Variants in PM20D2 observed in about 807,000 individuals in gnomAD.
The protein encoded by PM20D2 is xaa-Arg dipeptidase.
Under a neutral mutation model 42.9 loss-of-function variants are expected in PM20D2, and 33 were observed. The ratio of observed to expected loss-of-function variants is 0.77; its 90% CI spans 0.58 to 1.03. The LOEUF (loss-of-function observed/expected upper bound fraction) is 1.03, where lower values mean the gene tolerates loss of function less well. Ranked by LOEUF, PM20D2 falls within the 50% of genes least tolerant of loss-of-function variation. The pLI is 0.00. For synonymous variants in PM20D2, 250 were observed against 228.2 expected, an observed-to-expected ratio of 1.10 and a Z score of -0.86; for missense variants, 548 against 557.0, an observed-to-expected ratio of 0.98 and a Z score of 0.16.
Position 89,146,433 on chromosome 6 carries a change from C to T in PM20D2, c.289C>T (p.Arg97Trp), listed in dbSNP as rs941975118. ...CGCCGAGTGGGAGCCGCCGGAGGCCCGGGCACCGAGCGCCACGCCACGCCC... is the reference window on the plus strand; with the variant it reads ...CGCCGAGTGGGAGCCGCCGGAGGCCTGGGCACCGAGCGCCACGCCACGCCC... ...FRAEWEPPEA[R>W]APSATPRPLH... The change falls in exon 1 of 7, where the codon CGG becomes TGG. Residue 97 changes from arginine to tryptophan, a missense_variant. Physicochemically the swap from Arg to Trp is moderately radical, Grantham distance 101. This residue lies in a region of PM20D2 where 470 missense variants were observed against 464.4 expected (regional missense o/e 1.01). Coordinates refer to ENST00000275072, the MANE Select transcript of PM20D2 (RefSeq NM_001010853.3). The T allele has an allele frequency of 9.2e-6, 14 of 1,523,914 alleles. No homozygotes were observed. The South Asian group carries it at 1.1e-4, about 12-fold the overall frequency. The allele number at this position is 1,523,914 out of a possible 1,614,324, so 94.4% of individuals were successfully genotyped here.
At chr6:89,154,030 T>C (rs556384055) in intron 3 of PM20D2, among the ~76,000 whole-genome samples, 2 of 152,222 alleles carry the variant, frequency 1.3e-5, no homozygotes, top group Non-Finnish European at 2.9e-5. Context: ...TATTTTAATA[T>C]CTATTCTTTA....
intron 3 of PM20D2, 148 bp from the exon 4 acceptor site, chr6:89,154,600 A>G (rs1770968110): frequency 7.3e-6 from 4 of 547,826 alleles, no homozygotes; most frequent in South Asian, 9.9e-5. Context: ...GTACAACATA[A>G]CAAAATCTTT....
chr6:89,113,613 A>G, the PM20D2 span, among the ~76,000 whole-genome samples: 2 of 152,040 alleles, frequency 1.3e-5, no homozygotes, highest in African/African-American at 4.8e-5. Flanking sequence ...CAGGCCCCAA[A>G]GATTTTGTTT....
the PM20D2 span, among the ~76,000 whole-genome samples, chr6:89,111,110 T>G: frequency 3.5e-3 from 426 of 121,830 alleles, 7 homozygotes; most frequent in East Asian, 2.3e-3. Context: ...GAGACTTGTC[T>G]TTTTTTTTTT....
intron 4 of PM20D2, among the ~76,000 whole-genome samples, chr6:89,156,801 G>T (rs1035602503): frequency 6.6e-6 from 1 of 152,186 alleles, no homozygotes. Flanking sequence ...ATAGAAGCTC[G>T]TGTTGTGTTG....
the PM20D2 span, among the ~76,000 whole-genome samples, chr6:89,102,088 T>A: frequency 6.6e-6 from 1 of 151,928 alleles, no homozygotes; most frequent in Non-Finnish European, 1.5e-5. Flanking sequence ...ATGAAGAAAT[T>A]TAAAAAGCTT....
chr6:89,122,427 G>T, the PM20D2 span, among the ~76,000 whole-genome samples: 1 of 152,106 alleles, frequency 6.6e-6, no homozygotes, highest in Non-Finnish European at 1.5e-5. Context: ...CAATACATAC[G>T]ATATTTGTTA....
In PM20D2 at chr6:89,149,383, C is replaced by T. The variant is rs200902518; in HGVS notation, c.584C>T (p.Ala195Val). ...VFMAHPSQEN[A>V]AYLPDMAEHD... ...ATGGCCCACCCATCACAAGAGAATG[C>T]TGCTTATCTACCAGATATGGCTGAA... The change falls in exon 2 of 7, where the codon GCT (alanine) becomes GTT (valine). Residue 195 changes from alanine (A) to valine (V), a missense_variant. Around this residue, in one of 3 missense-constraint regions of PM20D2, gnomAD observed 470 missense variants for 464.4 expected, o/e 1.01. Transcript: ENST00000275072. 9 of 1,613,884 alleles carry T rather than the reference C, an allele frequency of 5.6e-6. No homozygotes were observed. Among genetic ancestry groups the T allele is most frequent in the Admixed American group, 1.7e-5 (1 of 60,000 alleles).
At chr6:89,152,592 A>C (rs1270060345) in intron 2 of PM20D2, among the ~76,000 whole-genome samples, 1 of 152,204 alleles carries the variant, frequency 6.6e-6, no homozygotes, top group African/African-American at 2.4e-5. Context: ...TCTGATTTTC[A>C]GAGGTTGTCT....
chr6:89,109,574 TAA>T, the PM20D2 span, among the ~76,000 whole-genome samples: 1 of 151,986 alleles, frequency 6.6e-6, no homozygotes, highest in East Asian at 1.9e-4. Flanking sequence ...ATAGATAATA[TAA>T]AAGAGGAGGC....
At chr6:89,125,255 C>T in the PM20D2 span, among the ~76,000 whole-genome samples, 15 of 152,146 alleles carry the variant, frequency 9.9e-5, no homozygotes, top group African/African-American at 3.6e-4. Context: ...CCGAGGTGGG[C>T]GGATCACGAG....
rs778683342 is a variant in PM20D2, at chr6:89,162,254, A to G, written c.1302A>G (p.Ala434=). The G allele has an allele frequency of 3.7e-6, 6 of 1,612,438 alleles. No individual in the cohort carries two copies. The highest frequency in any genetic ancestry group is 1.7e-5 in the Admixed American group (1 of 59,592). The change falls in exon 7 of 7, where the codon GCA becomes GCG. Residue 434 remains alanine (A), a synonymous_variant. Coordinates refer to ENST00000275072, the MANE Select transcript of PM20D2 (RefSeq NM_001010853.3). ...LKLQEEQFVN[A]VE is the part of the protein sequence containing the mutation. ...TTCAAGAAGAACAGTTTGTAAATGC[A>G]GTAGAATAAAAGACTTAGGGGCCAC...
the PM20D2 span, among the ~76,000 whole-genome samples, chr6:89,122,715 A>G: frequency 6.6e-6 from 1 of 152,224 alleles, no homozygotes; most frequent in South Asian, 2.1e-4. Context: ...ATTAAAAAGT[A>G]CCTTGAAGAA....
At chr6:89,128,625 C>A in the PM20D2 span, among the ~76,000 whole-genome samples, 1 of 152,044 alleles carries the variant, frequency 6.6e-6, no homozygotes. Context: ...GATCTTTGTC[C>A]CTACTCTCTG....
chr6:89,137,339 AT>A, the PM20D2 span, among the ~76,000 whole-genome samples: 1 of 152,216 alleles, frequency 6.6e-6, no homozygotes, highest in Non-Finnish European at 1.5e-5. Flanking sequence ...CCTGGGCAAC[AT>A]AGTGAGATCC....
chr6:89,148,583 G>A (rs1014933303), intron 1 of PM20D2: 1 of 978,602 alleles, frequency 1.0e-6, no homozygotes, highest in African/African-American at 1.8e-5. Flanking sequence ...TAGTAAGTTT[G>A]TGTAATAGTT....
At chr6:89,129,910 T>C in the PM20D2 span, among the ~76,000 whole-genome samples, 1 of 151,976 alleles carries the variant, frequency 6.6e-6, no homozygotes, top group South Asian at 2.1e-4. Context: ...AAAATATATA[T>C]TTCTTTGTAG....
At chr6:89,160,321 A>T (rs1163665130) in intron 5 of PM20D2, among the ~76,000 whole-genome samples, 1 of 152,244 alleles carries the variant, frequency 6.6e-6, no homozygotes, top group African/African-American at 2.4e-5. Context: ...ATGTTATTTA[A>T]TACCCATAAG....
chr6:89,158,630 T>C (rs1384886628), intron 5 of PM20D2, among the ~76,000 whole-genome samples, 170 bp downstream of exon 5: 1 of 152,176 alleles, frequency 6.6e-6, no homozygotes. Context: ...CTTAAGTGAG[T>C]GTAGAATGTC....
Sources: allele counts gnomAD v4.1 joint callset (sites outside exome capture counted in the v4.1 genomes callset), GRCh38; gene constraint gnomAD v4.1.1; regional missense constraint gnomAD v4.1.1; transcripts MANE v1.5; gene names NCBI Gene and HGNC (gene_info 2026-07-23, HGNC 2026-07-21).